The following TENM1 variants were observed in gnomAD, a reference collection of about 807,000 sequenced individuals.
TENM1 encodes teneurin-1.
In TENM1, 35 loss-of-function variants were observed where a neutral mutation model predicts 174.8. The observed-to-expected ratio is 0.20, with a 90% CI of 0.15 to 0.27. The LOEUF is 0.27. Among genes scored for constraint, TENM1 ranks in the 10% least tolerant of loss-of-function variants. The pLI is 1.00. For missense variants in TENM1, 1,633 were observed against 2,130.1 expected, an observed-to-expected ratio of 0.77 and a Z score of 4.59; for synonymous variants, 781 against 798.7, an observed-to-expected ratio of 0.98 and a Z score of 0.37.
intron 1 of TENM1, among the ~76,000 whole-genome samples, chrX:124,914,322 C>T (rs1363323924): frequency 9.0e-6 from 1 of 111,071 alleles, no homozygotes. Context: ...ATGATTGGTT[C>T]AGGCAATAAA....
intron 1 of TENM1, among the ~76,000 whole-genome samples, chrX:124,920,942 T>A (rs1035091582): frequency 9.2e-6 from 1 of 108,716 alleles, no homozygotes; most frequent in African/African-American, 3.3e-5. Flanking sequence ...TTTTCCTTTA[T>A]GGGTTCTGGG....
At chrX:124,423,335 T>C (rs942414382) in intron 23 of TENM1, among the ~76,000 whole-genome samples, 2 of 111,994 alleles carry the variant, frequency 1.8e-5, no homozygotes, top group South Asian at 3.7e-4. Flanking sequence ...TTCCCCTTTT[T>C]AGCAAAGAAA....
chrX:124,857,116 C>A (rs1312875089), intron 3 of TENM1, among the ~76,000 whole-genome samples: 4 of 111,193 alleles, frequency 3.6e-5, no homozygotes, highest in Non-Finnish European at 7.6e-5. Flanking sequence ...CTACATCTCA[C>A]AGATAGTAGA....
chrX:124,987,318 G>C, the TENM1 span, among the ~76,000 whole-genome samples: 1 of 111,025 alleles, frequency 9.0e-6, no homozygotes, highest in Non-Finnish European at 1.9e-5. Context: ...CCCTAATTAA[G>C]TAATACAAAA....
At chrX:124,865,031 C>T (rs1000279340) in intron 3 of TENM1, among the ~76,000 whole-genome samples, 4 of 111,077 alleles carry the variant, frequency 3.6e-5, no homozygotes, top group East Asian at 2.8e-4. Flanking sequence ...CCTTCAAGCA[C>T]GAAGGAGAAA....
the TENM1 span, among the ~76,000 whole-genome samples, chrX:125,151,263 T>C: frequency 2.7e-5 from 3 of 112,566 alleles, no homozygotes; most frequent in South Asian, 1.1e-3. Flanking sequence ...ATAAAATATC[T>C]TTAATGTTTC....
intron 28 of TENM1, among the ~76,000 whole-genome samples, chrX:124,389,279 T>C (rs987704828): frequency 2.7e-5 from 3 of 112,726 alleles, no homozygotes; most frequent in African/African-American, 9.7e-5. Context: ...TGCTTTTTAA[T>C]ACATCGTGAC....
At chrX:124,494,329 G>A (rs1035090613) in intron 20 of TENM1, among the ~76,000 whole-genome samples, 4 of 110,795 alleles carry the variant, frequency 3.6e-5, no homozygotes, top group African/African-American at 1.3e-4. Flanking sequence ...TCATAGGATA[G>A]CATCTAGATC....
chrX:124,757,466 C>T (rs1364198323), intron 3 of TENM1, among the ~76,000 whole-genome samples: 1 of 112,664 alleles, frequency 8.9e-6, no homozygotes, highest in Non-Finnish European at 1.9e-5. Context: ...AATGCCTCGC[C>T]GTGCTTCGGC....
intron 14 of TENM1, among the ~76,000 whole-genome samples, chrX:124,556,397 C>T (rs2048696387): frequency 1.8e-5 from 2 of 111,214 alleles, no homozygotes; most frequent in African/African-American, 6.5e-5. Flanking sequence ...TGTTTGGGGT[C>T]CTCAAGGCAT....
At chrX:125,139,857 CGGAGAGAGAGAG>C in the TENM1 span, among the ~76,000 whole-genome samples, 6 of 72,214 alleles carry the variant, frequency 8.3e-5, no homozygotes, top group East Asian at 4.4e-4. Context: ...CACACACACA[CGGAGAGAGAGAG>C]AGAGAGAGAG....
At chrX:124,513,474 T>C (rs1163730311) in intron 18 of TENM1, among the ~76,000 whole-genome samples, 1 of 112,127 alleles carries the variant, frequency 8.9e-6, no homozygotes, top group Non-Finnish European at 1.9e-5. Flanking sequence ...AATTCTCTTT[T>C]GGCATGCAAC....
At chrX:125,053,107 G>T in the TENM1 span, among the ~76,000 whole-genome samples, 2 of 112,073 alleles carry the variant, frequency 1.8e-5, no homozygotes, top group Non-Finnish European at 3.8e-5. Context: ...GAAAGAGACT[G>T]TGAGAATCTT....
At chrX:124,628,118 CTTA>C (rs1186445328) in intron 11 of TENM1, among the ~76,000 whole-genome samples, 1 of 111,356 alleles carries the variant, frequency 9.0e-6, no homozygotes, top group East Asian at 2.8e-4. Context: ...CCCTTGCTGT[CTTA>C]TTATTGCCAA....
the TENM1 span, among the ~76,000 whole-genome samples, chrX:125,021,104 T>G: frequency 0.053 from 4,902 of 93,085 alleles, 239 homozygotes; most frequent in African/African-American, 0.18. Context: ...AGAAATTAGG[T>G]TTTTTTTGCC....
chrX:124,432,752 T>C (rs1469202044), intron 23 of TENM1, among the ~76,000 whole-genome samples: 5 of 111,676 alleles, frequency 4.5e-5, no homozygotes, highest in African/African-American at 1.6e-4. Context: ...CTGAGTACAT[T>C]GCTGTTTAGA....
chrX:124,743,977 TCC>T (rs1240257271), intron 3 of TENM1, among the ~76,000 whole-genome samples: 1 of 111,736 alleles, frequency 8.9e-6, no homozygotes, highest in Non-Finnish European at 1.9e-5. Flanking sequence ...TAGTCAAAGA[TCC>T]ACAAAGCAGC....
At chrX:124,991,516 CAG>C in the TENM1 span, among the ~76,000 whole-genome samples, 2 of 108,331 alleles carry the variant, frequency 1.8e-5, no homozygotes, top group Non-Finnish European at 3.8e-5. Context: ...GACAGAGAGA[CAG>C]AGAGAGACAG....
At chrX:124,774,466 G>A (rs1389069425) in intron 3 of TENM1, among the ~76,000 whole-genome samples, 1 of 111,433 alleles carries the variant, frequency 9.0e-6, no homozygotes, top group Non-Finnish European at 1.9e-5. Context: ...AAGAAAATGG[G>A]AAGAAATAAT....
Sources: allele counts gnomAD v4.1 joint callset (sites outside exome capture counted in the v4.1 genomes callset), GRCh38; gene constraint gnomAD v4.1.1; transcripts MANE v1.5; gene names NCBI Gene and HGNC (gene_info 2026-07-23, HGNC 2026-07-21).